RAB20: variants seen among roughly 807,000 people sequenced by gnomAD.
The protein encoded by RAB20 is ras-related protein Rab-20.
RAB20 carries 2 observed loss-of-function variants against 3.7 expected under a neutral mutation model. The observed-to-expected ratio is 0.54, with a 90% CI of 0.22 to 1.69. The LOEUF is 1.69. Ranked by LOEUF, RAB20 falls within the 40% of genes most tolerant of loss-of-function variation. The probability of loss-of-function intolerance (pLI) is 0.19; values close to 1 mark genes in which losing one functional copy is unlikely to be tolerated. For missense variants in RAB20, 276 were observed against 311.9 expected (o/e 0.88, Z 0.87); for synonymous variants, 126 against 130.8 (o/e 0.96, Z 0.25).
chr13:110,548,582 G>A lies in RAB20; in HGVS notation c.172+12766C>T, dbSNP rs558196473. 7.2e-5 allele frequency among the ~76,000 whole-genome samples: 11 copies of A among 152,156 alleles called. No homozygotes were observed. In the East Asian group the frequency reaches 1.4e-3, roughly 19 times the overall value. On this transcript the variant is annotated intron_variant, in intron 1 of 1. Coordinates refer to ENST00000267328, the MANE Select transcript of RAB20 (RefSeq NM_017817.3). ...CCTCATGAAGGCACCAGGGGAGCGC[G>A]GTGGGCTCACCTGATTTCTTGGTTA...
At position 110,523,305 on chromosome 13, in the gene RAB20, C is replaced by T; in HGVS notation, c.*360G>A. On this transcript the variant is annotated 3_prime_UTR_variant, in exon 2 of 2. Transcript: ENST00000267328. ...TAACAACCCAGGGTGCTGAAACGGTCAGAGGTGCAGGTGCAGACGCAGGCT... is the reference window on the plus strand; with the variant it reads ...TAACAACCCAGGGTGCTGAAACGGTTAGAGGTGCAGGTGCAGACGCAGGCT... 6.4e-6 allele frequency: 3 copies of T among 469,826 alleles called. No individual in the cohort carries two copies. The highest frequency in any genetic ancestry group is 3.7e-6 in the Non-Finnish European group (1 of 268,802). The allele number at this position is 469,826 out of a possible 1,614,324, so 29.1% of individuals were successfully genotyped here. A position where few individuals can be genotyped will look rare whatever the true frequency, so the allele number is the denominator to read the frequency against.
At chr13:110,551,564 A>G (rs1309297541) in intron 1 of RAB20, among the ~76,000 whole-genome samples, 1 of 152,176 alleles carries the variant, frequency 6.6e-6, no homozygotes, top group Non-Finnish European at 1.5e-5. Flanking sequence ...GCACCAGGGA[A>G]GCCAGGGTTG....
chr13:110,546,265 A>C (rs1290700097), intron 1 of RAB20, among the ~76,000 whole-genome samples: 2 of 152,216 alleles, frequency 1.3e-5, no homozygotes, highest in African/African-American at 4.8e-5. Flanking sequence ...CCTGGAAATA[A>C]GGTTTATTAC....
chr13:110,529,277 C>T (rs921849572), intron 1 of RAB20, among the ~76,000 whole-genome samples: 2 of 152,230 alleles, frequency 1.3e-5, no homozygotes, highest in Admixed American at 6.5e-5. Context: ...TGAGCCGGGC[C>T]GTCAGCCCCC....
intron 1 of RAB20, among the ~76,000 whole-genome samples, chr13:110,528,082 A>AAC (rs1884463991): frequency 6.6e-6 from 1 of 152,014 alleles, no homozygotes; most frequent in Admixed American, 6.6e-5. Flanking sequence ...CAGCCTGAGC[A>AAC]ACAGTGAGAC....
At chr13:110,539,066 A>G (rs2148079) in intron 1 of RAB20, among the ~76,000 whole-genome samples, 52,168 of 152,110 alleles carry the variant, frequency 0.34, 10,099 homozygotes, top group African/African-American at 0.53. Context: ...CAATCACAGG[A>G]AGAAAGGAGG....
intron 1 of RAB20, among the ~76,000 whole-genome samples, chr13:110,551,720 T>G (rs1048570527): frequency 1.3e-5 from 2 of 152,056 alleles, no homozygotes; most frequent in Admixed American, 6.6e-5. Context: ...TGTACAAAAT[T>G]TATTTTTCTT....
intron 1 of RAB20, among the ~76,000 whole-genome samples, chr13:110,533,418 C>T (rs575414550): frequency 6.6e-6 from 1 of 152,304 alleles, no homozygotes; most frequent in Admixed American, 6.5e-5. Flanking sequence ...CACAGTGGTT[C>T]ATACCTGTAA....
rs1491511424 is a variant in RAB20, at chr13:110,546,708, TTG to T, written c.172+14638_172+14639del. On this transcript the variant is annotated intron_variant, in intron 1 of 1. Coordinates refer to ENST00000267328, the MANE Select transcript of RAB20 (RefSeq NM_017817.3). The stretch of plus-strand genomic sequence containing the variant: ...GTACAAGCTGAACTTCTGTTTTTTT[TTG>T]TTTTTTGGGTTTTTTGTTTGTTTGT... Among the ~76,000 whole-genome samples, 287 of 145,192 alleles carry T rather than the reference TTG, an allele frequency of 2.0e-3. 2 individuals carry two copies. Among genetic ancestry groups the T allele is most frequent in the Admixed American group, 2.9e-3 (40 of 13,952 alleles).
chr13:110,548,394 G>T (rs1884890714), intron 1 of RAB20, among the ~76,000 whole-genome samples: 1 of 152,016 alleles, frequency 6.6e-6, no homozygotes, highest in Non-Finnish European at 1.5e-5. Flanking sequence ...TGAGGCAGGA[G>T]AATTGCTTGA....
intron 1 of RAB20, among the ~76,000 whole-genome samples, chr13:110,536,303 T>A (rs1206627675): frequency 2.0e-5 from 3 of 152,196 alleles, no homozygotes; most frequent in Admixed American, 2.0e-4. Context: ...TTCTGCTGTT[T>A]GAAGCCCTCC....
At chr13:110,534,774 A>C (rs1213864757) in intron 1 of RAB20, among the ~76,000 whole-genome samples, 1 of 152,234 alleles carries the variant, frequency 6.6e-6, no homozygotes, top group Non-Finnish European at 1.5e-5. Context: ...TTCAGCAACT[A>C]AACAGTAAAA....
intron 1 of RAB20, among the ~76,000 whole-genome samples, chr13:110,535,319 C>T (rs768579103): frequency 3.9e-5 from 6 of 152,218 alleles, no homozygotes; most frequent in Admixed American, 2.6e-4. Context: ...CGGAGACCCC[C>T]AACCCGAACC....
intron 1 of RAB20, among the ~76,000 whole-genome samples, chr13:110,538,199 A>C (rs1884682367): frequency 6.7e-6 from 1 of 148,670 alleles, no homozygotes; most frequent in Non-Finnish European, 1.5e-5. Flanking sequence ...TGGTTGTGCC[A>C]CTGCACTCCA....
chr13:110,546,234 T>C (rs895620414), intron 1 of RAB20, among the ~76,000 whole-genome samples: 3 of 152,248 alleles, frequency 2.0e-5, no homozygotes, highest in African/African-American at 7.2e-5. Context: ...TCTGTCATCT[T>C]ATTTAAGCTT....
chr13:110,526,963 C>T (rs1884440694), intron 1 of RAB20, among the ~76,000 whole-genome samples: 1 of 152,160 alleles, frequency 6.6e-6, no homozygotes, highest in South Asian at 2.1e-4. Flanking sequence ...TGGGCTTGTA[C>T]CCCTCGGGGG....
At chr13:110,524,274 C>T (rs1357452576) in intron 1 of RAB20, 77 bp from the exon 2 acceptor site, 7 of 1,492,870 alleles carry the variant, frequency 4.7e-6, no homozygotes, top group African/African-American at 2.8e-5. Flanking sequence ...TGCAAGGGAA[C>T]GTCCCACAGG....
intron 1 of RAB20, among the ~76,000 whole-genome samples, chr13:110,530,050 C>G (rs554536882): frequency 6.6e-6 from 1 of 152,188 alleles, no homozygotes; most frequent in Non-Finnish European, 1.5e-5. Flanking sequence ...GGACTTTAAC[C>G]GTGAGTTCAG....
At chr13:110,538,340 T>C (rs1410451913) in intron 1 of RAB20, among the ~76,000 whole-genome samples, 1 of 150,732 alleles carries the variant, frequency 6.6e-6, no homozygotes, top group Non-Finnish European at 1.5e-5. Context: ...GCACGGTGGC[T>C]CATGCCTGTA....
Sources: gnomAD v4.1 joint callset for allele counts (sites outside exome capture counted in the v4.1 genomes callset) on GRCh38, gnomAD v4.1.1 for gene constraint, MANE v1.5 for transcripts, NCBI Gene and HGNC (gene_info 2026-07-23, HGNC 2026-07-21) for gene names.